The following LUC7L3 variants were observed in gnomAD, a reference collection of about 807,000 sequenced individuals.
LUC7L3 encodes the protein LUC7 like 3 pre-mRNA splicing factor, also known as luc7-like protein 3.
A neutral mutation model predicts 66.8 loss-of-function variants in LUC7L3; 6 were observed. The observed-to-expected ratio is 0.09, with a 90% confidence interval of 0.05 to 0.18. The LOEUF (loss-of-function observed/expected upper bound fraction) is 0.18, where lower values mean the gene tolerates loss of function less well. LUC7L3 is among the 10% of genes least tolerant of loss of function. LUC7L3 has a pLI of 1.00. For synonymous variants in LUC7L3, 160 were observed against 174.7 expected, an observed-to-expected ratio of 0.92 and a Z score of 0.66; for missense variants, 341 against 531.1, an observed-to-expected ratio of 0.64 and a Z score of 3.52.
chr17:50,741,189 T>C lies in LUC7L3; in HGVS notation c.294T>C (p.Arg98=), dbSNP rs144930177. 3.3e-5 allele frequency: 53 copies of C among 1,614,172 alleles called. No homozygotes were observed. The East Asian group carries it at 1.2e-3, about 36-fold the overall frequency. Residue 98 remains arginine, a synonymous_variant, in exon 4 of 10, where the codon CGT becomes CGC. Transcript: ENST00000505658. ...AGAGCTTACTTGCAGAAGTAGAACG[T>C]AGGATCAGACGAGGCCATGCTCGTT... The part of the protein sequence containing the change: ...YLQSLLAEVE[R]RIRRGHARLA...
chr17:50,722,731 C>T (rs914006968), intron 1 of LUC7L3: 1 of 152,162 alleles, frequency 6.6e-6, no homozygotes, highest in African/African-American at 2.4e-5. Context: ...AATCATCGAC[C>T]ATTTATTTGT....
chr17:50,745,853 A>G lies in LUC7L3; in HGVS notation c.827A>G (p.Glu276Gly), dbSNP rs771263653. 1.3e-6 allele frequency: 2 copies of G among 1,593,428 alleles called. No individual in the cohort carries two copies. The highest frequency in any genetic ancestry group is 2.2e-5 in the South Asian group (2 of 89,510). ...AGAGAAAGGAAAAGACGAAGGGAAG[A>G]GGAAGAAAGAGAAAAAGAAAGGGCT... The part of the protein sequence containing the change: ...EERERKRRRE[E>G]EEREKERARD... Residue 276 changes from glutamate (E) to glycine (G), a missense_variant, in exon 8 of 10, where the codon GAG becomes GGG. By Grantham distance (98) the Glu-to-Gly change is moderately conservative. Around this residue, in one of 6 missense-constraint regions of LUC7L3, gnomAD observed 210 missense variants for 238.1 expected, o/e 0.88. Transcript: ENST00000505658.
In LUC7L3 at chr17:50,753,541, T is replaced by C. The variant is rs1439110623; in HGVS notation, c.*2880T>C. ...TGGAGACAGAGCCCTCCTGGCTCCCTAGCTGATCCTGGAGATGCAGCAATA... is the reference window on the plus strand; with the variant it reads ...TGGAGACAGAGCCCTCCTGGCTCCCCAGCTGATCCTGGAGATGCAGCAATA... On this transcript the variant is annotated 3_prime_UTR_variant, in exon 10 of 10. Transcript: ENST00000505658. 6.6e-6 allele frequency: 1 copy of C among 152,194 alleles called. No individual in the cohort carries two copies. The highest frequency in any genetic ancestry group is 1.5e-5 in the Non-Finnish European group (1 of 68,024). 9.4% of individuals were successfully genotyped at this position (152,194 alleles called of 1,614,324 possible).
intron 8 of LUC7L3, 52 bp downstream of exon 8, chr17:50,746,055 C>A: frequency 1.3e-6 from 2 of 1,525,748 alleles, no homozygotes; most frequent in Non-Finnish European, 1.7e-6. Context: ...TGTGCAATAA[C>A]AATAATAACT....
At chr17:50,750,256 T>C (rs1306477945) in intron 9 of LUC7L3, among the ~76,000 whole-genome samples, 1 of 152,200 alleles carries the variant, frequency 6.6e-6, no homozygotes, top group Non-Finnish European at 1.5e-5. Flanking sequence ...GCAATGTGCT[T>C]AATAGCTTCT....
rs765996515 is a variant in LUC7L3, at chr17:50,740,322, T to A, written c.183T>A (p.Ile61=). ...TRSDLGPCEK[I]HDENLRKQYE... is the part of the protein sequence containing the mutation. The stretch of plus-strand genomic sequence containing the variant: ...TTCCCCCAGGTCCGTGTGAAAAAAT[T>A]CATGATGAAAATCTACGAAAACAGT... Residue 61 remains isoleucine (I), a synonymous_variant, in exon 3 of 10, where the codon ATT becomes ATA. Transcript: ENST00000505658. 1.2e-6 allele frequency: 2 copies of A among 1,607,494 alleles called. No homozygotes were observed. Among genetic ancestry groups the A allele is most frequent in the African/African-American group, 1.3e-5 (1 of 74,612 alleles).
At chr17:50,726,600 C>A (rs549322146) in intron 1 of LUC7L3, among the ~76,000 whole-genome samples, 1 of 152,006 alleles carries the variant, frequency 6.6e-6, no homozygotes, top group East Asian at 1.9e-4. Flanking sequence ...TTGATATGTA[C>A]GATAGACTGA....
chr17:50,730,960 T>A (rs115775015), intron 1 of LUC7L3, among the ~76,000 whole-genome samples: 304 of 152,114 alleles, frequency 2.0e-3, no homozygotes, highest in African/African-American at 7.0e-3. Context: ...AAATAAAAAC[T>A]GTTGATGAGA....
At chr17:50,739,485 C>G (rs1479103743) in intron 2 of LUC7L3, among the ~76,000 whole-genome samples, 3 of 152,124 alleles carry the variant, frequency 2.0e-5, no homozygotes, top group Non-Finnish European at 2.9e-5. Context: ...AATCCTGTCT[C>G]TACTAAAAAT....
chr17:50,750,675 A>T lies in LUC7L3; in HGVS notation c.*14A>T. ...CAGTCCAATTAAAACTGATCTGATA[A>T]GACCTCAGATCAGACAGAGGTAAGT... On this transcript the variant is annotated 3_prime_UTR_variant, in exon 10 of 10. Transcript: ENST00000505658. The T allele has an allele frequency of 6.2e-7, 1 of 1,613,854 alleles. No individual in the cohort carries two copies. Among genetic ancestry groups the T allele is most frequent in the South Asian group, 1.1e-5 (1 of 91,078 alleles).
chr17:50,749,019 A>C (rs1208572251), intron 9 of LUC7L3, among the ~76,000 whole-genome samples: 1 of 152,148 alleles, frequency 6.6e-6, no homozygotes, highest in East Asian at 1.9e-4. Context: ...AGAAAAAGCA[A>C]GTTTATTACT....
At chr17:50,726,534 A>G (rs1453638695) in intron 1 of LUC7L3, among the ~76,000 whole-genome samples, 4 of 152,196 alleles carry the variant, frequency 2.6e-5, no homozygotes, top group African/African-American at 7.2e-5. Flanking sequence ...AGCTAGTGAC[A>G]TTGGAAGTGC....
Position 50,752,832 on chromosome 17 carries a change from T to A in LUC7L3, c.*2171T>A, listed in dbSNP as rs1971036397. On this transcript the variant is annotated 3_prime_UTR_variant, in exon 10 of 10. Transcript: ENST00000505658. ...GACTTTCTAATGTTTTAAATAATGG[T>A]GCTTCAATTTTAGGTGGTTATGAAT... 6.6e-6 allele frequency: 1 copy of A among 152,220 alleles called. No individual in the cohort carries two copies. The highest frequency in any genetic ancestry group is 2.1e-4 in the South Asian group (1 of 4,836). 9.4% of individuals were successfully genotyped at this position (152,220 alleles called of 1,614,324 possible).
intron 1 of LUC7L3, 175 bp from the exon 2 acceptor site, chr17:50,736,785 G>T: frequency 1.8e-6 from 1 of 547,368 alleles, no homozygotes; most frequent in South Asian, 2.4e-5. Context: ...TTCTTTTATC[G>T]AAATTCAGGA....
intron 1 of LUC7L3, 97 bp from the exon 2 acceptor site, chr17:50,736,863 A>G (rs1002862174): frequency 3.7e-5 from 27 of 739,008 alleles, no homozygotes; most frequent in Admixed American, 1.2e-4. Context: ...TGAAACATAC[A>G]TACCTCAAGA....
At chr17:50,741,970 C>T (rs1482850796) in intron 5 of LUC7L3, among the ~76,000 whole-genome samples, 2 of 152,106 alleles carry the variant, frequency 1.3e-5, no homozygotes, top group East Asian at 1.9e-4. Context: ...CAGCTACACA[C>T]GAGGCTGAGT....
At chr17:50,738,264 C>T (rs917701453) in intron 2 of LUC7L3, 1 of 348,772 alleles carries the variant, frequency 2.9e-6, no homozygotes, top group South Asian at 2.2e-5. Flanking sequence ...TGATAAAGCC[C>T]ATTCATGAGC....
Position 50,719,702 on chromosome 17 carries a change from C to G in LUC7L3, c.-31C>G. The G allele has an allele frequency of 6.3e-7, 1 of 1,578,158 alleles. No individual in the cohort carries two copies. The highest frequency in any genetic ancestry group is 8.7e-7 in the Non-Finnish European group (1 of 1,154,826). The stretch of plus-strand genomic sequence containing the variant: ...GTGTTTTCGTTGGCGGGTGCCTGGG[C>G]TGGTGGGAACAGCCGCCCGAAGGAA... On this transcript the variant is annotated 5_prime_UTR_variant, in exon 1 of 10. Transcript: ENST00000505658.
intron 1 of LUC7L3, among the ~76,000 whole-genome samples, chr17:50,720,038 G>T (rs924040003): frequency 6.6e-6 from 1 of 152,256 alleles, no homozygotes; most frequent in Non-Finnish European, 1.5e-5. Flanking sequence ...GTATCAAGGG[G>T]GTCCGGGAGA....
Sources: gnomAD v4.1 joint callset for allele counts (sites outside exome capture counted in the v4.1 genomes callset) on GRCh38, gnomAD v4.1.1 for gene constraint, gnomAD v4.1.1 regional missense constraint, MANE v1.5 for transcripts, NCBI Gene and HGNC (gene_info 2026-07-23, HGNC 2026-07-21) for gene names.